Variants in MSRA observed in about 807,000 individuals in gnomAD.
MSRA encodes the protein methionine sulfoxide reductase A, also known as mitochondrial peptide methionine sulfoxide reductase.
In MSRA, 54 loss-of-function variants were observed where a neutral mutation model predicts 31.3. That is an observed-to-expected ratio of 1.73 (90% CI 1.39 to 2.17). The LOEUF (loss-of-function observed/expected upper bound fraction) is 2.17, where lower values mean the gene tolerates loss of function less well. MSRA is among the 30% of genes most tolerant of loss of function. The pLI, the probability that MSRA is intolerant of heterozygous loss-of-function variation, is 0.00. For missense variants in MSRA, 507 were observed against 300.9 expected (o/e 1.69, Z -5.07); for synonymous variants, 169 against 116.5 (o/e 1.45, Z -2.90).
chr8:10,297,145 C>A (rs10088655), intron 3 of MSRA, among the ~76,000 whole-genome samples: 4 of 151,978 alleles, frequency 2.6e-5, no homozygotes, highest in African/African-American at 9.7e-5. Context: ...CTAGATGACC[C>A]CAGAATGCCT....
At chr8:10,075,194 A>T in intron 1 of MSRA, among the ~76,000 whole-genome samples, 1 of 152,178 alleles carries the variant, frequency 6.6e-6, no homozygotes, top group South Asian at 2.1e-4. Context: ...TTATTTACTT[A>T]TGTGGATCCC....
chr8:10,158,078 C>T (rs1775322770), intron 1 of MSRA, among the ~76,000 whole-genome samples: 1 of 152,164 alleles, frequency 6.6e-6, no homozygotes, highest in Non-Finnish European at 1.5e-5. Context: ...TCATAGATGG[C>T]ACCTTCTTAC....
intron 3 of MSRA, among the ~76,000 whole-genome samples, chr8:10,275,721 G>A (rs1002285239): frequency 3.3e-5 from 5 of 152,094 alleles, no homozygotes; most frequent in Non-Finnish European, 7.4e-5. Context: ...ACTTGCAGTC[G>A]GTCGACTCTG....
chr8:10,305,135 A>T (rs934710308), intron 4 of MSRA, among the ~76,000 whole-genome samples: 7 of 152,114 alleles, frequency 4.6e-5, no homozygotes, highest in African/African-American at 1.7e-4. Context: ...GGGGCCTTAA[A>T]TTTTTTTGGT....
intron 1 of MSRA, among the ~76,000 whole-genome samples, chr8:10,161,124 T>C (rs1035685322): frequency 2.6e-5 from 4 of 152,168 alleles, no homozygotes; most frequent in African/African-American, 9.7e-5. Context: ...CTAAATACGG[T>C]CTGTGTGAAT....
intron 1 of MSRA, among the ~76,000 whole-genome samples, chr8:10,056,211 A>AC (rs1366265241): frequency 1.4e-4 from 21 of 151,090 alleles, no homozygotes; most frequent in South Asian, 1.0e-3. Context: ...AAAAAAAAAA[A>AC]AAAAAAAAAA....
intron 1 of MSRA, among the ~76,000 whole-genome samples, chr8:10,179,091 T>TG (rs1806317477): frequency 1.3e-5 from 2 of 152,222 alleles, no homozygotes. Context: ...TTCAGTTCAC[T>TG]GATGACTATG....
intron 1 of MSRA, among the ~76,000 whole-genome samples, chr8:10,073,147 CT>C (rs1293946438): frequency 2.6e-5 from 4 of 151,754 alleles, no homozygotes; most frequent in Non-Finnish European, 5.9e-5. Context: ...TTTCCCTAGC[CT>C]TAAAAAAAAA....
intron 5 of MSRA, among the ~76,000 whole-genome samples, chr8:10,373,175 G>C (rs1314972274): frequency 6.6e-6 from 1 of 152,220 alleles, no homozygotes; most frequent in Non-Finnish European, 1.5e-5. Context: ...ACAAGCGTGA[G>C]CCACCGCGCC....
chr8:10,363,450 A>G (rs1326998627), intron 5 of MSRA, among the ~76,000 whole-genome samples: 1 of 152,092 alleles, frequency 6.6e-6, no homozygotes, highest in Non-Finnish European at 1.5e-5. Context: ...CTCTTGGAGG[A>G]GCTAGGAAGT....
At chr8:10,174,026 G>A (rs530968141) in intron 1 of MSRA, among the ~76,000 whole-genome samples, 1 of 152,212 alleles carries the variant, frequency 6.6e-6, no homozygotes, top group South Asian at 2.1e-4. Flanking sequence ...GTGTCTACAT[G>A]GTATCTTCTA....
intron 3 of MSRA, among the ~76,000 whole-genome samples, chr8:10,278,943 G>C (rs976757669): frequency 6.6e-6 from 1 of 152,172 alleles, no homozygotes; most frequent in African/African-American, 2.4e-5. Context: ...AGTTCTGCTA[G>C]TCTCATTGAG....
intron 1 of MSRA, among the ~76,000 whole-genome samples, chr8:10,104,633 C>A (rs1180814934): frequency 6.6e-6 from 1 of 152,130 alleles, no homozygotes; most frequent in Non-Finnish European, 1.5e-5. Flanking sequence ...GTTGAAGCCT[C>A]CTGGTAGCAG....
chr8:10,367,535 C>A (rs1232840462), intron 5 of MSRA, among the ~76,000 whole-genome samples: 1 of 152,188 alleles, frequency 6.6e-6, no homozygotes, highest in East Asian at 1.9e-4. Flanking sequence ...GTGTGCTAGT[C>A]ACTGTACAAG....
intron 1 of MSRA, among the ~76,000 whole-genome samples, chr8:10,074,701 G>A (rs7834738): frequency 0.06 from 9,158 of 151,486 alleles, 901 homozygotes; most frequent in African/African-American, 0.21. Flanking sequence ...CTCTGTTGCT[G>A]AGGCTGGAGT....
At chr8:10,407,153 A>T (rs1024280392) in intron 5 of MSRA, among the ~76,000 whole-genome samples, 1 of 152,200 alleles carries the variant, frequency 6.6e-6, no homozygotes. Flanking sequence ...CTGGGAGTGT[A>T]GGCAGAAGCC....
chr8:10,154,740 G>T (rs1195273376), intron 1 of MSRA, among the ~76,000 whole-genome samples: 3 of 151,990 alleles, frequency 2.0e-5, no homozygotes, highest in East Asian at 1.9e-4. Flanking sequence ...CTTTTTTCTT[G>T]TGAAATAATG....
At chr8:10,123,630 A>G (rs1801287771) in intron 1 of MSRA, among the ~76,000 whole-genome samples, 1 of 151,884 alleles carries the variant, frequency 6.6e-6, no homozygotes, top group Non-Finnish European at 1.5e-5. Flanking sequence ...TGTCTTCCAG[A>G]GTTTTTATAG....
At chr8:10,241,909 G>T (rs1004948768) in intron 2 of MSRA, among the ~76,000 whole-genome samples, 5 of 152,292 alleles carry the variant, frequency 3.3e-5, no homozygotes, top group Middle Eastern at 3.4e-3. Context: ...AACTGAACAG[G>T]TCAAGTAGAC....
Sources: gnomAD v4.1 joint callset for allele counts (sites outside exome capture counted in the v4.1 genomes callset) on GRCh38, gnomAD v4.1.1 for gene constraint, MANE v1.5 for transcripts, NCBI Gene and HGNC (gene_info 2026-07-23, HGNC 2026-07-21) for gene names.